DOCK8: variants seen among roughly 807,000 people sequenced by gnomAD.
DOCK8 encodes dedicator of cytokinesis 8.
In DOCK8, 141 loss-of-function variants were observed where a neutral mutation model predicts 245.6. The observed-to-expected ratio is 0.57, with a 90% CI of 0.50 to 0.66. DOCK8 has a LOEUF of 0.66. Among genes scored for constraint, DOCK8 ranks in the 30% least tolerant of loss-of-function variants. The pLI, the probability that DOCK8 is intolerant of heterozygous loss-of-function variation, is 0.00. For missense variants in DOCK8, 2,965 were observed against 2,603.4 expected (o/e 1.14, Z -3.02); for synonymous variants, 1,168 against 970.2 (o/e 1.20, Z -3.79).
At chr9:416,309 TTTTGAGAA>T (rs1255546362) in intron 29 of DOCK8, among the ~76,000 whole-genome samples, 1 of 152,110 alleles carries the variant, frequency 6.6e-6, no homozygotes, top group Non-Finnish European at 1.5e-5. Context: ...TTGTAGCCCA[TTTTGAGAA>T]TCCTTGATGG....
At position 443,502 on chromosome 9, in the gene DOCK8, T is replaced by G; in HGVS notation, c.5566T>G (p.Leu1856Val). The change falls in exon 43 of 48, where the codon TTG (leucine) becomes GTG (valine). Residue 1856 changes from leucine (L) to valine (V), a missense_variant. Coordinates refer to ENST00000432829, the MANE Select transcript of DOCK8 (RefSeq NM_203447.4). ...CTCCACTCCTGTGGACAAAACCAAG[T>G]TGGATCCTAACAAGGTATACAAAAA... ...KDSTPVDKTK[L>V]DPNKAYIQIT... 1.2e-6 allele frequency: 2 copies of G among 1,614,002 alleles called. No individual in the cohort carries two copies. Among genetic ancestry groups the G allele is most frequent in the Non-Finnish European group, 1.7e-6 (2 of 1,179,968 alleles).
chr9:390,381 A>G (rs1431921758), intron 23 of DOCK8, 90 bp from the exon 24 acceptor site: 24 of 1,201,876 alleles, frequency 2.0e-5, no homozygotes, highest in Non-Finnish European at 2.7e-5. Context: ...ACAAGCTATT[A>G]AATTGGGGGG....
At chr9:222,437 G>A (rs113035631) in intron 1 of DOCK8, among the ~76,000 whole-genome samples, 116 of 152,196 alleles carry the variant, frequency 7.6e-4, no homozygotes, top group African/African-American at 2.6e-3. Flanking sequence ...GCTTTTGATT[G>A]CCAAATTGAC....
intron 4 of DOCK8, among the ~76,000 whole-genome samples, chr9:304,244 G>C (rs1264405595): frequency 6.6e-6 from 1 of 152,116 alleles, no homozygotes. Context: ...CACATTGCTA[G>C]ATTTATTCCA....
chr9:266,824 C>T (rs999157302), intron 1 of DOCK8, among the ~76,000 whole-genome samples: 5 of 152,150 alleles, frequency 3.3e-5, no homozygotes, highest in Non-Finnish European at 5.9e-5. Flanking sequence ...TTTTGAGTTC[C>T]TTAGAAGAAG....
chr9:450,216 T>A (rs1453047210), intron 45 of DOCK8, among the ~76,000 whole-genome samples: 1 of 152,136 alleles, frequency 6.6e-6, no homozygotes, highest in Non-Finnish European at 1.5e-5. Context: ...GACCTGACAA[T>A]ATGATGCAAA....
rs1437877503 is a variant in DOCK8, at chr9:405,045, C to T, written c.3362C>T (p.Thr1121Ile). The T allele has an allele frequency of 1.2e-6, 2 of 1,613,840 alleles. No homozygotes were observed. The highest frequency in any genetic ancestry group is 1.7e-6 in the Non-Finnish European group (2 of 1,179,878). Residue 1121 changes from threonine (T) to isoleucine (I), a missense_variant, in exon 27 of 48, where the codon ACA (threonine) becomes ATA (isoleucine). Physicochemically the swap from Thr to Ile is moderately conservative, Grantham distance 89. Transcript: ENST00000432829. ...LFFMNADTAP[T>I]SPCPSISSQN... ...TTTATGAATGCTGATACTGCTCCAA[C>T]ATCTCCTTGTCCTTCCATATCTTCC... is the stretch of plus-strand genomic sequence containing the variant.
At position 429,796 on chromosome 9, in the gene DOCK8, G is replaced by A. The variant is rs750380258; in HGVS notation, c.4568G>A (p.Arg1523Gln). ...TGCAGCAGCAGCATGGATGTCACCC[G>A]GAGCCAAGCCTGTGCCACCCTTTAC... is the stretch of plus-strand genomic sequence containing the variant. Reference protein sequence around the residue: ...HHCSSSMDVTRSQACATLYLL... With the variant: ...HHCSSSMDVTQSQACATLYLL... The change falls in exon 36 of 48, where the codon CGG becomes CAG. Residue 1523 changes from arginine (R) to glutamine (Q), a missense_variant. Around this residue, in one of 3 missense-constraint regions of DOCK8, gnomAD observed 2,825 missense variants for 2,453.5 expected, o/e 1.15. Coordinates refer to ENST00000432829, the MANE Select transcript of DOCK8 (RefSeq NM_203447.4). 35 of 1,614,054 alleles carry A rather than the reference G, an allele frequency of 2.2e-5. No homozygotes were observed. Among genetic ancestry groups the A allele is most frequent in the Non-Finnish European group, 2.5e-5 (30 of 1,180,034 alleles).
intron 20 of DOCK8, among the ~76,000 whole-genome samples, chr9:378,795 A>G (rs2053620953): frequency 6.6e-6 from 1 of 152,232 alleles, no homozygotes; most frequent in Admixed American, 6.5e-5. Context: ...ATTTATTCAG[A>G]ACCTATTCTG....
At chr9:280,396 A>C (rs2048526746) in intron 2 of DOCK8, among the ~76,000 whole-genome samples, 1 of 152,124 alleles carries the variant, frequency 6.6e-6, no homozygotes, top group Non-Finnish European at 1.5e-5. Context: ...AGTCAGGTTC[A>C]CTCAGAGAAA....
At chr9:234,533 C>T (rs149512248) in intron 1 of DOCK8, among the ~76,000 whole-genome samples, 6 of 152,190 alleles carry the variant, frequency 3.9e-5, no homozygotes, top group Admixed American at 2.0e-4. Context: ...TTCAGGTACA[C>T]CAATCAGACG....
At chr9:408,876 ACACACACACACG>A (rs1197144212) in intron 28 of DOCK8, among the ~76,000 whole-genome samples, 1 of 70,568 alleles carries the variant, frequency 1.4e-5, no homozygotes, top group Non-Finnish European at 2.9e-5. Flanking sequence ...ACACACACAC[ACACACACACACG>A]CACACACGCG....
chr9:340,075 A>C (rs2051503325), intron 13 of DOCK8, 84 bp from the exon 14 acceptor site: 5 of 1,510,058 alleles, frequency 3.3e-6, no homozygotes, highest in Non-Finnish European at 4.6e-6. Context: ...ATTTTCATGA[A>C]AGAAACACAG....
At chr9:365,137 AC>A (rs1255959686) in intron 14 of DOCK8, among the ~76,000 whole-genome samples, 2 of 152,242 alleles carry the variant, frequency 1.3e-5, no homozygotes, top group Non-Finnish European at 2.9e-5. Context: ...AGTTTGGGAA[AC>A]CCTTGTAGGG....
intron 14 of DOCK8, among the ~76,000 whole-genome samples, chr9:361,436 A>G (rs1005388413): frequency 1.3e-5 from 2 of 152,192 alleles, no homozygotes; most frequent in African/African-American, 4.8e-5. Context: ...CATCTTAATT[A>G]GTATCATACT....
chr9:350,624 A>G (rs1374210791), intron 14 of DOCK8, among the ~76,000 whole-genome samples: 1 of 152,226 alleles, frequency 6.6e-6, no homozygotes. Context: ...GGAGGAAGGA[A>G]TTGATTGATG....
intron 1 of DOCK8, among the ~76,000 whole-genome samples, chr9:236,319 GAATTACA>G (rs1262040710): frequency 2.0e-5 from 3 of 152,218 alleles, no homozygotes; most frequent in Non-Finnish European, 4.4e-5. Flanking sequence ...GAAGCTCACA[GAATTACA>G]TTTGTTTATG....
At position 311,986 on chromosome 9, in the gene DOCK8, C is replaced by T. The variant is rs1402186866; in HGVS notation, c.561C>T (p.Asp187=). The change falls in exon 6 of 48, where the codon GAC becomes GAT. Residue 187 remains aspartate, a synonymous_variant. Coordinates refer to ENST00000432829, the MANE Select transcript of DOCK8 (RefSeq NM_203447.4). The part of the protein sequence containing the change: ...AGPRHLNVLC[D]VSGKGPVTAC... The stretch of plus-strand genomic sequence containing the variant: ...CCCGCCACTTAAACGTGCTGTGCGA[C>T]GTGTCTGGGAAAGGCCCCGTCACTG... 3.7e-6 allele frequency: 6 copies of T among 1,614,136 alleles called. No homozygotes were observed. Among genetic ancestry groups the T allele is most frequent in the African/African-American group, 1.3e-5 (1 of 75,058 alleles).
chr9:447,897 G>A (rs1275622887), intron 44 of DOCK8, among the ~76,000 whole-genome samples: 2 of 152,156 alleles, frequency 1.3e-5, no homozygotes, highest in Non-Finnish European at 2.9e-5. Context: ...GGGAGGAGGT[G>A]GGTTTAGAAG....
Sources: allele counts gnomAD v4.1 joint callset (sites outside exome capture counted in the v4.1 genomes callset), GRCh38; gene constraint gnomAD v4.1.1; regional missense constraint gnomAD v4.1.1; transcripts MANE v1.5; gene names NCBI Gene and HGNC (gene_info 2026-07-23, HGNC 2026-07-21).